The following ACSM3 variants were observed in gnomAD, a reference collection of about 807,000 sequenced individuals.
The protein encoded by ACSM3 is acyl-coenzyme A synthetase ACSM3, mitochondrial.
Under a neutral mutation model 74.1 loss-of-function variants are expected in ACSM3, and 61 were observed. The observed-to-expected ratio is 0.82, with a 90% confidence interval of 0.67 to 1.02. The LOEUF (loss-of-function observed/expected upper bound fraction) is 1.02. Among genes scored for constraint, ACSM3 ranks in the 50% least tolerant of loss-of-function variants. ACSM3 has a pLI of 0.00. For missense variants in ACSM3, 660 were observed against 697.0 expected, an observed-to-expected ratio of 0.95 and a Z score of 0.60; for synonymous variants, 213 against 241.5, an observed-to-expected ratio of 0.88 and a Z score of 1.09.
intron 2 of ACSM3, among the ~76,000 whole-genome samples, chr16:20,774,780 C>T (rs932276699): frequency 2.6e-5 from 4 of 152,224 alleles, no homozygotes; most frequent in Admixed American, 2.6e-4. Context: ...TGTGCATGGG[C>T]ACTGGCAGTA....
In ACSM3 at chr16:20,711,579, A is replaced by G. The variant is rs1448980381; in HGVS notation, c.-190+36757A>G. On this transcript the variant is annotated intron_variant, in intron 1 of 3. Transcript: ENST00000561584. ...TTGTGGCCAGTGAGGAGGTGGTCCC[A>G]GTAGTGGAGTCCATTGCACTGGAGT... The G allele has an allele frequency of 5.2e-6, 7 of 1,355,970 alleles. No homozygotes were observed. In the East Asian group the frequency reaches 1.2e-4, roughly 24 times the overall value. The allele number at this position is 1,355,970 out of a possible 1,614,324, so 84.0% of individuals were successfully genotyped here. A position where few individuals can be genotyped will look rare whatever the true frequency, so the allele number is the denominator to read the frequency against.
chr16:20,685,206 GC>G (rs1342590235), intron 1 of ACSM3: 1 of 1,614,164 alleles, frequency 6.2e-7, no homozygotes, highest in African/African-American at 1.3e-5. Context: ...TTCGCATGCA[GC>G]CCACAGCCAC....
intron 1 of ACSM3, among the ~76,000 whole-genome samples, chr16:20,726,953 G>T (rs2079808691): frequency 6.6e-6 from 1 of 152,184 alleles, no homozygotes; most frequent in East Asian, 1.9e-4. Context: ...GTAAAGTAGG[G>T]GTTGAGAGGA....
chr16:20,751,195 A>C (rs781481475), intron 2 of ACSM3, among the ~76,000 whole-genome samples: 5 of 152,204 alleles, frequency 3.3e-5, no homozygotes, highest in Non-Finnish European at 7.3e-5. Flanking sequence ...ATCCTGAACC[A>C]GTGGCCAGCC....
chr16:20,699,133 G>A (rs1002457499), intron 1 of ACSM3, among the ~76,000 whole-genome samples: 2 of 152,148 alleles, frequency 1.3e-5, no homozygotes, highest in Admixed American at 6.5e-5. Context: ...AATGAAGCAG[G>A]ATTTGTTAAT....
At chr16:20,685,819 C>CAG (rs2079538857) in intron 1 of ACSM3, among the ~76,000 whole-genome samples, 1 of 50,188 alleles carries the variant, frequency 2.0e-5, no homozygotes, top group Non-Finnish European at 3.2e-5. Context: ...GACTCCGTCT[C>CAG]AAAAAAAAAA....
chr16:20,706,672 A>T (rs2079729150), intron 1 of ACSM3, among the ~76,000 whole-genome samples: 1 of 152,156 alleles, frequency 6.6e-6, no homozygotes. Flanking sequence ...CCCTATTTGG[A>T]CTTGATCCTG....
intron 1 of ACSM3, among the ~76,000 whole-genome samples, chr16:20,746,964 A>G (rs1249647082): frequency 1.3e-5 from 2 of 152,136 alleles, no homozygotes; most frequent in Non-Finnish European, 2.9e-5. Context: ...TAAACATACA[A>G]GTCTTTCTTC....
At chr16:20,737,856 G>A in intron 1 of ACSM3, 5 of 1,613,752 alleles carry the variant, frequency 3.1e-6, no homozygotes, top group Non-Finnish European at 4.2e-6. Context: ...AAAAAGCCTT[G>A]CATGTGCCTG....
chr16:20,782,661 T>G (rs2080378643), intron 7 of ACSM3, among the ~76,000 whole-genome samples: 2 of 152,314 alleles, frequency 1.3e-5, no homozygotes, highest in Middle Eastern at 3.4e-3. Context: ...CAAGACTCTT[T>G]CCCATCTCAA....
At chr16:20,684,544 A>G (rs1466643605) in intron 1 of ACSM3, among the ~76,000 whole-genome samples, 1 of 152,220 alleles carries the variant, frequency 6.6e-6, no homozygotes, top group Non-Finnish European at 1.5e-5. Context: ...TATAATCACA[A>G]AGAAAGAGTC....
intron 1 of ACSM3, among the ~76,000 whole-genome samples, chr16:20,684,228 G>A (rs1316795760): frequency 6.6e-6 from 1 of 152,044 alleles, no homozygotes; most frequent in Non-Finnish European, 1.5e-5. Context: ...AAACCAACAT[G>A]GTAATATTCA....
At chr16:20,796,518 G>T (rs111745025) in intron 13 of ACSM3, 29 bp downstream of exon 13, 1 of 1,608,462 alleles carries the variant, frequency 6.2e-7, no homozygotes. Flanking sequence ...ACGAATATTT[G>T]CTCAGTGTTG....
rs1178409481 is a variant in ACSM3 at position 20,691,135 on chromosome 16, G to A, written c.-190+16313G>A. ...GCTGTGAAGGGGCAGGGTGGATGTT[G>A]TGGAAGGATTTGTGGATGCCCCAGA... is the stretch of plus-strand genomic sequence containing the variant. On this transcript the variant is annotated intron_variant, in intron 1 of 3. Coordinates refer to the ACSM3 transcript ENST00000561584. The A allele has an allele frequency of 3.1e-6, 5 of 1,612,934 alleles. No individual in the cohort carries two copies. In the Middle Eastern group the frequency reaches 5.0e-4, roughly 160 times the overall value.
At chr16:20,707,381 G>A (rs1287237127) in intron 1 of ACSM3, among the ~76,000 whole-genome samples, 5 of 152,214 alleles carry the variant, frequency 3.3e-5, no homozygotes, top group Admixed American at 3.3e-4. Flanking sequence ...CTGCAGACTG[G>A]AGCAGTACTG....
chr16:20,710,999 T>C (rs1347317665), intron 1 of ACSM3, among the ~76,000 whole-genome samples: 1 of 151,742 alleles, frequency 6.6e-6, no homozygotes. Flanking sequence ...AGCAGGAGAA[T>C]CTCTTGAACC....
At chr16:20,772,926 C>G (rs969998839) in intron 2 of ACSM3, among the ~76,000 whole-genome samples, 1 of 149,314 alleles carries the variant, frequency 6.7e-6, no homozygotes, top group African/African-American at 2.5e-5. Context: ...GAGATCACAC[C>G]ATTGCACTCC....
chr16:20,789,440 T>A (rs1280857292), intron 9 of ACSM3: 1 of 1,422,188 alleles, frequency 7.0e-7, no homozygotes, highest in Non-Finnish European at 9.9e-7. Context: ...TGATGAGGAT[T>A]GGAGAGAGGG....
chr16:20,723,385 T>C (rs1278909391), intron 1 of ACSM3, among the ~76,000 whole-genome samples: 1 of 152,234 alleles, frequency 6.6e-6, no homozygotes, highest in Admixed American at 6.5e-5. Context: ...TTATAATCCT[T>C]TGGGTATATA....
Sources: gnomAD v4.1 joint callset for allele counts (sites outside exome capture counted in the v4.1 genomes callset) on GRCh38, gnomAD v4.1.1 for gene constraint, MANE v1.5 for transcripts, NCBI Gene and HGNC (gene_info 2026-07-23, HGNC 2026-07-21) for gene names.